EFCAB6: variants seen among roughly 807,000 people sequenced by gnomAD.
EFCAB6 encodes the protein EF-hand calcium-binding domain-containing protein 6.
Under a neutral mutation model 169.8 loss-of-function variants are expected in EFCAB6, and 156 were observed. The observed-to-expected ratio is 0.92, with a 90% confidence interval of 0.81 to 1.05. The LOEUF (loss-of-function observed/expected upper bound fraction) is 1.05, where lower values mean the gene tolerates loss of function less well. Ranked by LOEUF, EFCAB6 falls within the 50% of genes least tolerant of loss-of-function variation. The pLI, the probability that EFCAB6 is intolerant of heterozygous loss-of-function variation, is 0.00. For missense variants in EFCAB6, 1,800 were observed against 1,829.1 expected (o/e 0.98, Z 0.29); for synonymous variants, 698 against 676.4 (o/e 1.03, Z -0.50).
At chr22:43,702,593 C>T (rs2058807422) in intron 10 of EFCAB6, among the ~76,000 whole-genome samples, 1 of 152,140 alleles carries the variant, frequency 6.6e-6, no homozygotes, top group African/African-American at 2.4e-5. Context: ...TTCCAAGATG[C>T]TTCCCAGGAA....
intron 13 of EFCAB6, among the ~76,000 whole-genome samples, chr22:43,675,909 T>G (rs1232357715): frequency 6.6e-6 from 1 of 151,720 alleles, no homozygotes; most frequent in Non-Finnish European, 1.5e-5. Flanking sequence ...AAGGAAATAT[T>G]TAGATATGAA....
At chr22:43,530,583 G>A in intron 31 of EFCAB6, 3 of 985,428 alleles carry the variant, frequency 3.0e-6, no homozygotes, top group Non-Finnish European at 3.6e-6. Flanking sequence ...TGCAGGTATG[G>A]GGCATCCACG....
intron 10 of EFCAB6, among the ~76,000 whole-genome samples, chr22:43,696,299 C>T (rs554175768): frequency 6.6e-6 from 1 of 152,094 alleles, no homozygotes; most frequent in South Asian, 2.1e-4. Flanking sequence ...ATGGCAATAG[C>T]AAGTGTTGGT....
intron 17 of EFCAB6, among the ~76,000 whole-genome samples, chr22:43,643,032 G>C (rs2055903667): frequency 6.6e-6 from 1 of 152,178 alleles, no homozygotes; most frequent in African/African-American, 2.4e-5. Flanking sequence ...GAACAGCATA[G>C]TGTCAAGAGC....
chr22:43,667,829 T>C (rs892723922), intron 16 of EFCAB6, among the ~76,000 whole-genome samples: 2 of 152,182 alleles, frequency 1.3e-5, no homozygotes, highest in African/African-American at 4.8e-5. Context: ...AGCGTGGATG[T>C]GTCTGAGCAT....
rs1569400178 is a variant in EFCAB6 at position 43,692,739 on chromosome 22, T to G, written c.1032-5158A>C. ...TATCAAATGAGTAGACTTAAAAACATGTTATATAATACTAGATGGTCTGAC... is the reference window on the plus strand; with the variant it reads ...TATCAAATGAGTAGACTTAAAAACAGGTTATATAATACTAGATGGTCTGAC... On this transcript the variant is annotated intron_variant, in intron 10 of 31. Coordinates refer to ENST00000262726, the MANE Select transcript of EFCAB6 (RefSeq NM_022785.4). Among the ~76,000 whole-genome samples, 3 of 151,912 alleles carry G rather than the reference T, an allele frequency of 2.0e-5. No individual in the cohort carries two copies. In the South Asian group the frequency reaches 6.2e-4, roughly 32 times the overall value.
At position 43,709,278 on chromosome 22, in the gene EFCAB6, C is replaced by T. The variant is rs201725467; in HGVS notation, c.1031+2197G>A. Among the ~76,000 whole-genome samples the T allele has an allele frequency of 3.9e-5, 6 of 152,232 alleles. No individual in the cohort carries two copies. In the East Asian group the frequency reaches 1.2e-3, roughly 29 times the overall value. ...TGCACTTTTAGTAGAGACAGGGTTT[C>T]ACCTTGTTGGCCAGGCTGGTCTCGA... On this transcript the variant is annotated intron_variant, in intron 10 of 31. Transcript: ENST00000262726.
At chr22:43,696,473 C>T (rs553539295) in intron 10 of EFCAB6, among the ~76,000 whole-genome samples, 37 of 152,258 alleles carry the variant, frequency 2.4e-4, no homozygotes, top group Non-Finnish European at 4.4e-4. Flanking sequence ...GAAAACATGT[C>T]CACACAAAGA....
intron 10 of EFCAB6, among the ~76,000 whole-genome samples, chr22:43,708,032 A>G (rs1394522648): frequency 1.3e-5 from 2 of 151,850 alleles, no homozygotes; most frequent in African/African-American, 2.4e-5. Context: ...AAGAATAGAA[A>G]TAAGATATTT....
intron 24 of EFCAB6, among the ~76,000 whole-genome samples, chr22:43,588,123 C>T (rs1434503696): frequency 6.6e-6 from 1 of 152,162 alleles, no homozygotes; most frequent in Non-Finnish European, 1.5e-5. Context: ...TTTAAAGATA[C>T]TGACATTGGG....
chr22:43,594,002 G>A (rs1287509618), intron 23 of EFCAB6, among the ~76,000 whole-genome samples: 1 of 152,110 alleles, frequency 6.6e-6, no homozygotes, highest in African/African-American at 2.4e-5. Flanking sequence ...GTGGCCAGGT[G>A]CAGTGCCTCA....
chr22:43,580,750 G>A, intron 24 of EFCAB6, 91 bp from the exon 25 acceptor site: 1 of 1,374,064 alleles, frequency 7.3e-7, no homozygotes. Flanking sequence ...ATTGGGCAAT[G>A]TGGGGAAAAT....
rs534742641 is a variant in EFCAB6, at chr22:43,683,867, T to C, written c.1143-12A>G. The C allele has an allele frequency of 6.3e-7, 1 of 1,580,180 alleles. No individual in the cohort carries two copies. The highest frequency in any genetic ancestry group is 1.3e-5 in the African/African-American group (1 of 74,358). ...TTCTAGAGTTGATGCTACAAGAGGA[T>C]TAGGAGAAAAGCAGGAATAAGATTA... On this transcript the variant is annotated splice_polypyrimidine_tract_variant and intron_variant, in intron 11 of 31. Transcript: ENST00000262726.
rs143983340 is a variant in EFCAB6, at chr22:43,751,421, C to T, written c.507+4345G>A. Among the ~76,000 whole-genome samples the T allele has an allele frequency of 4.4e-3, 665 of 152,308 alleles. 3 individuals are homozygous for T. Among genetic ancestry groups the T allele is most frequent in the Middle Eastern group, 0.014 (4 of 294 alleles). Reference sequence around the variant, plus strand: ...AGATGGAATAAAAAAACTTACACTTCGTTAGCCTGGCAACACACTGCATCT... The same window carrying T: ...AGATGGAATAAAAAAACTTACACTTTGTTAGCCTGGCAACACACTGCATCT... On this transcript the variant is annotated intron_variant, in intron 6 of 31. Coordinates refer to ENST00000262726, the MANE Select transcript of EFCAB6 (RefSeq NM_022785.4).
rs1569257403 is a variant in EFCAB6 at position 43,618,214 on chromosome 22, GAAA to G, written c.2466-2295_2466-2293del. Among the ~76,000 whole-genome samples, 159 of 138,624 alleles carry G rather than the reference GAAA, an allele frequency of 1.1e-3. 6 individuals carry two copies. Among genetic ancestry groups the G allele is most frequent in the South Asian group, 5.0e-3 (20 of 4,028 alleles). The allele number at this position is 138,624 out of a possible 152,430, so 90.9% of individuals were successfully genotyped here. ...AGAAAGAAAGAAAGAAAGAAAGAAA[GAAA>G]GAAAGAGAAAGAAAGAAAGAGAGAG... On this transcript the variant is annotated intron_variant, in intron 20 of 31. Transcript: ENST00000262726.
At chr22:43,750,235 T>A (rs1192184110) in intron 6 of EFCAB6, among the ~76,000 whole-genome samples, 1 of 152,152 alleles carries the variant, frequency 6.6e-6, no homozygotes, top group African/African-American at 2.4e-5. Context: ...CAAAAATAGG[T>A]CCTGGGGTAG....
At chr22:43,802,954 T>A (rs910561390) in intron 2 of EFCAB6, among the ~76,000 whole-genome samples, 1 of 152,228 alleles carries the variant, frequency 6.6e-6, no homozygotes, top group Admixed American at 6.5e-5. Context: ...ACTAGACTGA[T>A]GTGGAAAAAA....
intron 10 of EFCAB6, 73 bp downstream of exon 10, chr22:43,711,402 A>G: frequency 7.1e-6 from 10 of 1,405,918 alleles, no homozygotes; most frequent in Non-Finnish European, 8.4e-6. Flanking sequence ...AATAAAAAAT[A>G]AACGAAGCTG....
intron 20 of EFCAB6, among the ~76,000 whole-genome samples, chr22:43,623,667 G>A (rs1164967893): frequency 6.6e-6 from 1 of 151,072 alleles, no homozygotes; most frequent in Non-Finnish European, 1.5e-5. Flanking sequence ...AGGCCAAGGT[G>A]GGCGTATCAC....
Sources: gnomAD v4.1 joint callset for allele counts (sites outside exome capture counted in the v4.1 genomes callset) on GRCh38, gnomAD v4.1.1 for gene constraint, MANE v1.5 for transcripts, NCBI Gene and HGNC (gene_info 2026-07-23, HGNC 2026-07-21) for gene names.